ERBB4: variants seen among roughly 807,000 people sequenced by gnomAD.
ERBB4 encodes the protein erb-b2 receptor tyrosine kinase 4, also known as receptor tyrosine-protein kinase erbB-4.
ERBB4 carries 42 observed loss-of-function variants against 158.0 expected under a neutral mutation model. The observed-to-expected ratio is 0.27, with a 90% CI of 0.21 to 0.34. The LOEUF is 0.34. Ranked by LOEUF, ERBB4 falls within the 10% of genes least tolerant of loss-of-function variation. The pLI, the probability that ERBB4 is intolerant of heterozygous loss-of-function variation, is 1.00. For synonymous variants in ERBB4, 583 were observed against 558.7 expected, an observed-to-expected ratio of 1.04 and a Z score of -0.61; for missense variants, 1,333 against 1,624.1, an observed-to-expected ratio of 0.82 and a Z score of 3.08.
intron 3 of ERBB4, among the ~76,000 whole-genome samples, chr2:211,802,323 A>G (rs1311247933): frequency 6.6e-6 from 1 of 152,152 alleles, no homozygotes; most frequent in Non-Finnish European, 1.5e-5. Flanking sequence ...AAGAGTACCA[A>G]TAGTGTCCTC....
intron 2 of ERBB4, among the ~76,000 whole-genome samples, chr2:212,117,926 C>A (rs1246310563): frequency 6.6e-6 from 1 of 152,090 alleles, no homozygotes; most frequent in Non-Finnish European, 1.5e-5. Flanking sequence ...ACAAACTATT[C>A]AGTAAATCAT....
chr2:211,582,009 CA>C (rs113294020), intron 19 of ERBB4, among the ~76,000 whole-genome samples: 27 of 146,238 alleles, frequency 1.8e-4, no homozygotes, highest in East Asian at 7.9e-4. Context: ...GACTCCATCT[CA>C]AAAAAAAAAA....
intron 1 of ERBB4, among the ~76,000 whole-genome samples, chr2:212,227,244 C>CAAAA (rs57150566): frequency 7.3e-6 from 1 of 137,166 alleles, no homozygotes. Context: ...GACTCCACCT[C>CAAAA]AAAAAAAAAA....
chr2:212,497,784 C>A (rs1209606034), intron 1 of ERBB4, among the ~76,000 whole-genome samples: 1 of 152,150 alleles, frequency 6.6e-6, no homozygotes, highest in Non-Finnish European at 1.5e-5. Context: ...GGGCACAATA[C>A]AGCAGGCGGA....
intron 19 of ERBB4, among the ~76,000 whole-genome samples, chr2:211,573,343 TTC>T (rs1358242923): frequency 4.6e-5 from 7 of 152,112 alleles, no homozygotes; most frequent in Non-Finnish European, 1.0e-4. Context: ...TATAATATAT[TTC>T]TGTTATTGTA....
rs149467922 is a variant in ERBB4 at position 211,582,060 on chromosome 2, G to T, written c.2302-19972C>A. ...GTATTGGTCAATCTTGCCCATTGCT[G>T]TGTTTGCACATATCTTCTGGTGACT... is the stretch of plus-strand genomic sequence containing the variant. On this transcript the variant is annotated intron_variant, in intron 19 of 27. Transcript: ENST00000342788. Among the ~76,000 whole-genome samples, 780 of 152,140 alleles carry T rather than the reference G, an allele frequency of 5.1e-3. 7 individuals are homozygous for T. Among genetic ancestry groups the T allele is most frequent in the African/African-American group, 0.018 (742 of 41,490 alleles).
chr2:211,402,160 T>C (rs2063057497), intron 25 of ERBB4, among the ~76,000 whole-genome samples: 1 of 152,030 alleles, frequency 6.6e-6, no homozygotes, highest in African/African-American at 2.4e-5. Context: ...TGTATAAATA[T>C]ATCCCAGACT....
intron 12 of ERBB4, among the ~76,000 whole-genome samples, chr2:211,694,226 C>A (rs2072925728): frequency 1.3e-5 from 2 of 152,148 alleles, no homozygotes; most frequent in Non-Finnish European, 2.9e-5. Context: ...AAATAAGAAT[C>A]TCTGGAGAAC....
chr2:212,294,647 A>T (rs2086344215), intron 1 of ERBB4, among the ~76,000 whole-genome samples: 1 of 152,036 alleles, frequency 6.6e-6, no homozygotes, highest in African/African-American at 2.4e-5. Flanking sequence ...CAATATAAAA[A>T]ACTCTTCAAA....
chr2:211,871,911 A>G (rs1037164506), intron 3 of ERBB4, among the ~76,000 whole-genome samples: 1 of 152,160 alleles, frequency 6.6e-6, no homozygotes. Flanking sequence ...GAGAAGCAGG[A>G]GGAGGAAGAC....
intron 3 of ERBB4, among the ~76,000 whole-genome samples, chr2:211,796,640 T>C (rs958974377): frequency 6.6e-6 from 1 of 152,000 alleles, no homozygotes; most frequent in African/African-American, 2.4e-5. Flanking sequence ...GTCACTCTTA[T>C]TGGTGTATAG....
chr2:212,282,733 G>T (rs561061431), intron 1 of ERBB4, among the ~76,000 whole-genome samples: 1 of 152,004 alleles, frequency 6.6e-6, no homozygotes, highest in South Asian at 2.1e-4. Flanking sequence ...GAAAGTGCCT[G>T]GGAATTTGTA....
chr2:212,407,660 T>A (rs1326880077), intron 1 of ERBB4, among the ~76,000 whole-genome samples: 1 of 152,104 alleles, frequency 6.6e-6, no homozygotes, highest in Non-Finnish European at 1.5e-5. Context: ...TTTACTTGGG[T>A]ATATACATGA....
At chr2:211,541,872 T>A (rs901483590) in intron 20 of ERBB4, among the ~76,000 whole-genome samples, 1 of 152,030 alleles carries the variant, frequency 6.6e-6, no homozygotes, top group African/African-American at 2.4e-5. Context: ...TCACGTGAGT[T>A]TCATGTTAAC....
intron 3 of ERBB4, among the ~76,000 whole-genome samples, chr2:211,869,982 C>T (rs1414097359): frequency 6.6e-6 from 1 of 152,066 alleles, no homozygotes. Flanking sequence ...GTATTTGTGA[C>T]CTAGACTGTC....
chr2:211,639,732 T>TC (rs1218168354), intron 16 of ERBB4, among the ~76,000 whole-genome samples: 2 of 151,852 alleles, frequency 1.3e-5, no homozygotes, highest in Non-Finnish European at 2.9e-5. Context: ...TTTGCAAACT[T>TC]TTTTTTTGAG....
chr2:212,512,971 T>C (rs2106285411), intron 1 of ERBB4, among the ~76,000 whole-genome samples: 1 of 152,302 alleles, frequency 6.6e-6, no homozygotes, highest in East Asian at 1.9e-4. Context: ...AAAACTATTG[T>C]TGCAGTTTCC....
At chr2:212,288,328 G>A (rs1047896581) in intron 1 of ERBB4, among the ~76,000 whole-genome samples, 10 of 152,168 alleles carry the variant, frequency 6.6e-5, no homozygotes, top group African/African-American at 2.2e-4. Flanking sequence ...GTTTCAAGGA[G>A]AGAAAATATT....
intron 20 of ERBB4, among the ~76,000 whole-genome samples, chr2:211,542,868 C>T (rs182289848): frequency 4.6e-5 from 7 of 151,994 alleles, no homozygotes; most frequent in Admixed American, 2.6e-4. Flanking sequence ...CTAATTTACC[C>T]GCTTATCTGA....
Sources: gnomAD v4.1 joint callset for allele counts (sites outside exome capture counted in the v4.1 genomes callset) on GRCh38, gnomAD v4.1.1 for gene constraint, MANE v1.5 for transcripts, NCBI Gene and HGNC (gene_info 2026-07-23, HGNC 2026-07-21) for gene names.